MCTP1: variants seen among roughly 807,000 people sequenced by gnomAD.
MCTP1 encodes multiple C2 and transmembrane domain containing 1.
Under a neutral mutation model 120.6 loss-of-function variants are expected in MCTP1, and 69 were observed. The ratio of observed to expected loss-of-function variants is 0.57; its 90% confidence interval spans 0.47 to 0.70. The LOEUF is 0.70. MCTP1 is among the 30% of genes least tolerant of loss of function. The pLI is 0.00. For missense variants in MCTP1, 1,203 were observed against 1,248.8 expected (o/e 0.96, Z 0.55); for synonymous variants, 529 against 493.1 (o/e 1.07, Z -0.96).
At chr5:95,202,226 C>T (rs1398937095) in intron 1 of MCTP1, among the ~76,000 whole-genome samples, 1 of 152,192 alleles carries the variant, frequency 6.6e-6, no homozygotes, top group African/African-American at 2.4e-5. Flanking sequence ...GAACACTCTT[C>T]TTCCCTTTTC....
chr5:94,740,855 T>G (rs1368778638), intron 19 of MCTP1, among the ~76,000 whole-genome samples: 2 of 152,170 alleles, frequency 1.3e-5, no homozygotes, highest in Admixed American at 6.5e-5. Context: ...TGGGAAGACC[T>G]TCAACAAAGG....
At chr5:94,855,863 T>G (rs1437795151) in intron 17 of MCTP1, among the ~76,000 whole-genome samples, 3 of 151,402 alleles carry the variant, frequency 2.0e-5, no homozygotes, top group Non-Finnish European at 4.4e-5. Context: ...TTTAAAACTC[T>G]CAGATTAATT....
Position 95,203,981 on chromosome 5 carries a change from G to T in MCTP1, c.720+79875C>A, listed in dbSNP as rs1013633488. Among the ~76,000 whole-genome samples, 4 of 151,942 alleles carry T rather than the reference G, an allele frequency of 2.6e-5. No homozygotes were observed. In the South Asian group the frequency reaches 8.3e-4, roughly 32 times the overall value. The stretch of plus-strand genomic sequence containing the variant: ...TAGATTACTAACTATGCAAAGAGAT[G>T]TGGATCCATTTGTACTTGGCAAATG... On this transcript the variant is annotated intron_variant, in intron 1 of 22. Transcript: ENST00000515393.
At chr5:95,014,767 G>A (rs1836752824) in intron 2 of MCTP1, among the ~76,000 whole-genome samples, 1 of 152,090 alleles carries the variant, frequency 6.6e-6, no homozygotes, top group South Asian at 2.1e-4. Flanking sequence ...TGAGATGACT[G>A]ACTCCAATTT....
intron 17 of MCTP1, among the ~76,000 whole-genome samples, chr5:94,836,038 G>T (rs994832702): frequency 2.0e-5 from 3 of 151,802 alleles, no homozygotes; most frequent in African/African-American, 7.3e-5. Context: ...AAATTAGCCA[G>T]GCATGGTGGC....
chr5:94,716,985 C>T (rs1759629393), intron 19 of MCTP1, among the ~76,000 whole-genome samples: 1 of 151,860 alleles, frequency 6.6e-6, no homozygotes, highest in African/African-American at 2.4e-5. Context: ...TGATAAGGTG[C>T]CATGCACAAA....
intron 10 of MCTP1, among the ~76,000 whole-genome samples, chr5:94,898,744 C>G (rs1370496617): frequency 6.6e-6 from 1 of 152,158 alleles, no homozygotes. Context: ...AAAATATGTT[C>G]ACAGATACAT....
At chr5:94,825,611 C>T (rs58312534) in intron 17 of MCTP1, among the ~76,000 whole-genome samples, 10,534 of 152,058 alleles carry the variant, frequency 0.069, 494 homozygotes, top group East Asian at 0.25. Context: ...TTTTCTGTCT[C>T]GTTGATCTGT....
chr5:95,268,890 G>A (rs939386091), intron 1 of MCTP1, among the ~76,000 whole-genome samples: 1 of 152,196 alleles, frequency 6.6e-6, no homozygotes, highest in African/African-American at 2.4e-5. Flanking sequence ...ATCCATCGCT[G>A]GGTCAGGGTC....
chr5:94,904,328 CCTCA>C (rs1049939660), intron 10 of MCTP1, among the ~76,000 whole-genome samples: 4 of 152,164 alleles, frequency 2.6e-5, no homozygotes, highest in Non-Finnish European at 5.9e-5. Flanking sequence ...CTGCCCTCAG[CCTCA>C]CTATTTGCAT....
intron 19 of MCTP1, among the ~76,000 whole-genome samples, chr5:94,749,230 T>C (rs1767646448): frequency 6.6e-6 from 1 of 152,198 alleles, no homozygotes; most frequent in Admixed American, 6.5e-5. Flanking sequence ...CAGACAGATG[T>C]ACCCTTTGCT....
At position 95,017,368 on chromosome 5, in the gene MCTP1, T is replaced by C; in HGVS notation, c.837A>G (p.Gly279=). 1 of 1,596,346 alleles carries C rather than the reference T, an allele frequency of 6.3e-7. No individual in the cohort carries two copies. The highest frequency in any genetic ancestry group is 8.6e-7 in the Non-Finnish European group (1 of 1,167,882). ...RGQSLAARDR[G]GTSDPYVKFK... ...GTGATATTGCTCTTATGCTCTTACC[T>C]CCTCGATCTCGAGCAGCTAAACTTT... Residue 279 remains glycine, a splice_region_variant and synonymous_variant, in exon 2 of 23, where the codon GGA becomes GGG. Coordinates refer to ENST00000515393, the MANE Select transcript of MCTP1 (RefSeq NM_024717.7).
At chr5:95,166,640 T>G (rs1317452266) in intron 1 of MCTP1, among the ~76,000 whole-genome samples, 3 of 148,844 alleles carry the variant, frequency 2.0e-5, no homozygotes, top group African/African-American at 7.4e-5. Flanking sequence ...CGATCTCGGC[T>G]CACTGCAAGC....
At chr5:94,825,783 A>T (rs1311682257) in intron 17 of MCTP1, among the ~76,000 whole-genome samples, 1 of 152,136 alleles carries the variant, frequency 6.6e-6, no homozygotes, top group Non-Finnish European at 1.5e-5. Flanking sequence ...ACACACACAC[A>T]CACATTTAGG....
At chr5:95,037,722 C>T (rs1841597309) in intron 1 of MCTP1, among the ~76,000 whole-genome samples, 1 of 152,066 alleles carries the variant, frequency 6.6e-6, no homozygotes, top group South Asian at 2.1e-4. Context: ...AGAAAATTAG[C>T]TGGGCACAGT....
intron 1 of MCTP1, among the ~76,000 whole-genome samples, chr5:95,025,629 T>C (rs1839120834): frequency 6.6e-6 from 1 of 152,204 alleles, no homozygotes; most frequent in African/African-American, 2.4e-5. Flanking sequence ...GCCACCATTT[T>C]TGCAGAAGGC....
At chr5:94,783,071 G>A (rs1037509720) in intron 18 of MCTP1, among the ~76,000 whole-genome samples, 2 of 151,942 alleles carry the variant, frequency 1.3e-5, no homozygotes, top group African/African-American at 2.4e-5. Flanking sequence ...AATGTCGCTC[G>A]TCACAGACTT....
chr5:95,257,399 T>C (rs1267952324), intron 1 of MCTP1, among the ~76,000 whole-genome samples: 4 of 152,228 alleles, frequency 2.6e-5, no homozygotes, highest in Non-Finnish European at 5.9e-5. Context: ...TTATAAGGTA[T>C]ATAATTCATG....
At position 95,284,642 on chromosome 5, in the gene MCTP1, G is replaced by T; in HGVS notation, c.-67C>A. The T allele has an allele frequency of 7.9e-7, 1 of 1,272,234 alleles. No individual in the cohort carries two copies. Among genetic ancestry groups the T allele is most frequent in the Non-Finnish European group, 1.0e-6 (1 of 979,538 alleles). The allele number at this position is 1,272,234 out of a possible 1,614,324, so 78.8% of individuals were successfully genotyped here. ...CTCCTCCTGCTTCTCCTCCCTCTTC[G>T]GCTGCACCTCCTCCCGGGTCCCCGC... is the stretch of plus-strand genomic sequence containing the variant. On this transcript the variant is annotated 5_prime_UTR_variant, in exon 1 of 23. Transcript: ENST00000515393. The surrounding 1 kb of genome is among the most constrained non-coding windows in gnomAD (Gnocchi z 5.2).
Sources: allele counts gnomAD v4.1 joint callset (sites outside exome capture counted in the v4.1 genomes callset), GRCh38; gene constraint gnomAD v4.1.1; non-coding constraint Gnocchi (gnomAD v3.1); transcripts MANE v1.5; gene names NCBI Gene and HGNC (gene_info 2026-07-23, HGNC 2026-07-21).